The following ZMYM2 variants were observed in gnomAD, a reference collection of about 807,000 sequenced individuals.
ZMYM2 encodes zinc finger MYM-type containing 2, also known as zinc finger MYM-type protein 2.
In ZMYM2, 56 loss-of-function variants were observed where a neutral mutation model predicts 162.8. That is an observed-to-expected ratio of 0.34 (90% CI 0.28 to 0.43). The LOEUF is 0.43. Among genes scored for constraint, ZMYM2 ranks in the 20% least tolerant of loss-of-function variants. The pLI is 1.00. For synonymous variants in ZMYM2, 510 were observed against 541.6 expected (o/e 0.94, Z 0.81); for missense variants, 1,275 against 1,621.8 (o/e 0.79, Z 3.67).
chr13:19,880,595 AT>A, the ZMYM2 span, among the ~76,000 whole-genome samples: 2 of 151,616 alleles, frequency 1.3e-5, no homozygotes, highest in East Asian at 3.9e-4. Context: ...CGCCCGGCTA[AT>A]TTTTTGTATT....
At chr13:19,900,912 G>A in the ZMYM2 span, among the ~76,000 whole-genome samples, 2 of 151,964 alleles carry the variant, frequency 1.3e-5, no homozygotes, top group Non-Finnish European at 2.9e-5. Flanking sequence ...GGCGCCTGTA[G>A]TCCCAGCTAC....
At chr13:20,063,810 A>ATACATCATGATG (rs1555326518) in intron 18 of ZMYM2, among the ~76,000 whole-genome samples, 1 of 11,596 alleles carries the variant, frequency 8.6e-5, no homozygotes, top group Non-Finnish European at 5.1e-4. Flanking sequence ...AATATATAAT[A>ATACATCATGATG]TATATAATAC....
Position 20,085,852 on chromosome 13 carries a change from T to C in ZMYM2, c.3972T>C (p.Val1324=). Residue 1324 remains valine, a synonymous_variant, in exon 25 of 25, where the codon GTT becomes GTC. Coordinates refer to ENST00000610343, the MANE Select transcript of ZMYM2 (RefSeq NM_197968.4). ...AGAATCTTAATCAGAGGATGGATGT[T>C]TTTTATTTGCAACCAGAATGCTCTA... ...SPQNLNQRMD[V]FYLQPECSSS... The C allele has an allele frequency of 6.2e-7, 1 of 1,611,892 alleles. No homozygotes were observed. Among genetic ancestry groups the C allele is most frequent in the East Asian group, 2.2e-5 (1 of 44,852 alleles).
chr13:19,988,025 G>A (rs1949316773), intron 2 of ZMYM2, among the ~76,000 whole-genome samples: 1 of 152,204 alleles, frequency 6.6e-6, no homozygotes, highest in African/African-American at 2.4e-5. Context: ...ATAGAGACTG[G>A]TTTTGAAACC....
chr13:20,073,698 A>T (rs1023881384), intron 21 of ZMYM2, among the ~76,000 whole-genome samples: 1 of 152,202 alleles, frequency 6.6e-6, no homozygotes, highest in African/African-American at 2.4e-5. Context: ...ATGCTATCAC[A>T]GGAAGTTGAA....
At chr13:19,869,437 A>C in the ZMYM2 span, among the ~76,000 whole-genome samples, 2 of 152,218 alleles carry the variant, frequency 1.3e-5, no homozygotes, top group Admixed American at 1.3e-4. Context: ...GTATGTAAAT[A>C]GGTATTTTAA....
chr13:20,073,095 A>C (rs893461141), intron 21 of ZMYM2, among the ~76,000 whole-genome samples: 1 of 152,136 alleles, frequency 6.6e-6, no homozygotes, highest in South Asian at 2.1e-4. Flanking sequence ...TTTAGTAGAG[A>C]CAGGACTTCA....
chr13:20,009,018 A>T (rs1950966937), intron 6 of ZMYM2, among the ~76,000 whole-genome samples: 2 of 152,182 alleles, frequency 1.3e-5, no homozygotes, highest in Non-Finnish European at 2.9e-5. Flanking sequence ...AAAAATACCC[A>T]ATTGTTAATC....
At chr13:19,997,269 A>G (rs1594259119) in intron 3 of ZMYM2, among the ~76,000 whole-genome samples, 1 of 152,036 alleles carries the variant, frequency 6.6e-6, no homozygotes, top group East Asian at 1.9e-4. Flanking sequence ...ATTGTTTCCC[A>G]TATTTTGCTG....
At chr13:19,951,048 G>A in the ZMYM2 span, among the ~76,000 whole-genome samples, 4 of 152,000 alleles carry the variant, frequency 2.6e-5, no homozygotes, top group African/African-American at 4.8e-5. Flanking sequence ...ATTTTGGCTC[G>A]TCAGTTATCA....
intron 2 of ZMYM2, among the ~76,000 whole-genome samples, chr13:19,984,005 T>C (rs1231887502): frequency 1.3e-5 from 2 of 152,210 alleles, no homozygotes; most frequent in Non-Finnish European, 2.9e-5. Flanking sequence ...ACATACTGAC[T>C]TATAATACTC....
intron 2 of ZMYM2, among the ~76,000 whole-genome samples, chr13:19,988,440 C>G (rs542722497): frequency 2.0e-5 from 3 of 152,248 alleles, no homozygotes; most frequent in African/African-American, 7.2e-5. Context: ...GGACAATTGT[C>G]TACTCTGTGC....
intron 3 of ZMYM2, among the ~76,000 whole-genome samples, chr13:19,997,867 T>G (rs12877070): frequency 0.086 from 13,114 of 152,214 alleles, 813 homozygotes; most frequent in Non-Finnish European, 0.13. Flanking sequence ...TTCATGTCAA[T>G]ATATGCGTGT....
rs992251560 is a variant in ZMYM2, at chr13:20,088,639, A to G, written c.*2625A>G. The G allele has an allele frequency of 2.1e-5, 4 of 194,762 alleles. No homozygotes were observed. The highest frequency in any genetic ancestry group is 4.6e-5 in the African/African-American group (2 of 43,222). 12.1% of individuals were successfully genotyped at this position (194,762 alleles called of 1,614,324 possible). ...GAAGCTCAACTTTTTTTTTCCATAA[A>G]AATAATTTTTGCTTAAATAGTAACT... On this transcript the variant is annotated 3_prime_UTR_variant, in exon 25 of 25. Transcript: ENST00000610343.
chr13:19,975,852 C>T (rs1436448940), intron 2 of ZMYM2, among the ~76,000 whole-genome samples: 1 of 133,080 alleles, frequency 7.5e-6, no homozygotes, highest in Non-Finnish European at 1.7e-5. Flanking sequence ...ATTTTTCCTC[C>T]ATTTTTAAAA....
the ZMYM2 span, among the ~76,000 whole-genome samples, chr13:19,870,874 A>G: frequency 0.012 from 1,825 of 151,484 alleles, 37 homozygotes; most frequent in African/African-American, 0.04. Context: ...TGATCCACCC[A>G]CTTCGGCCTC....
chr13:19,865,808 A>G, the ZMYM2 span, among the ~76,000 whole-genome samples: 2 of 152,214 alleles, frequency 1.3e-5, no homozygotes, highest in African/African-American at 4.8e-5. Flanking sequence ...TCGAAAATTT[A>G]GGAAAAAAAA....
chr13:19,874,756 G>T, the ZMYM2 span, among the ~76,000 whole-genome samples: 24 of 151,814 alleles, frequency 1.6e-4, no homozygotes, highest in African/African-American at 5.6e-4. Context: ...ATAGCTTTGG[G>T]GTCCATTATT....
At chr13:20,073,859 T>A (rs975323480) in intron 21 of ZMYM2, among the ~76,000 whole-genome samples, 1 of 152,162 alleles carries the variant, frequency 6.6e-6, no homozygotes, top group African/African-American at 2.4e-5. Flanking sequence ...TAGTAAAATA[T>A]ACATAACATA....
Sources: allele counts gnomAD v4.1 joint callset (sites outside exome capture counted in the v4.1 genomes callset), GRCh38; gene constraint gnomAD v4.1.1; transcripts MANE v1.5; gene names NCBI Gene and HGNC (gene_info 2026-07-23, HGNC 2026-07-21).